Variants in HS3ST4 observed in about 807,000 individuals in gnomAD.
HS3ST4 encodes heparan sulfate glucosamine 3-O-sulfotransferase 4.
HS3ST4 carries 17 observed loss-of-function variants against 29.2 expected under a neutral mutation model. That is an observed-to-expected ratio of 0.58 (90% confidence interval 0.40 to 0.87). HS3ST4 has a LOEUF of 0.87. Ranked by LOEUF, HS3ST4 falls within the 40% of genes least tolerant of loss-of-function variation. The probability of loss-of-function intolerance (pLI) is 0.00; values close to 1 mark genes in which losing one functional copy is unlikely to be tolerated. For missense variants in HS3ST4, 627 were observed against 634.5 expected (o/e 0.99, Z 0.13); for synonymous variants, 314 against 285.7 (o/e 1.10, Z -1.00).
At chr16:25,874,969 A>G (rs2141661480) in intron 1 of HS3ST4, among the ~76,000 whole-genome samples, 1 of 152,298 alleles carries the variant, frequency 6.6e-6, no homozygotes, top group African/African-American at 2.4e-5. Flanking sequence ...AGAATTAAAC[A>G]CAATTGCACA....
At chr16:25,788,544 CTTTTT>C (rs565611368) in intron 1 of HS3ST4, among the ~76,000 whole-genome samples, 1 of 123,572 alleles carries the variant, frequency 8.1e-6, no homozygotes, top group East Asian at 2.3e-4. Context: ...TTTCTTCTTT[CTTTTT>C]TTTTTTTTTT....
At chr16:25,884,762 C>T (rs1190886222) in intron 1 of HS3ST4, among the ~76,000 whole-genome samples, 4 of 152,124 alleles carry the variant, frequency 2.6e-5, no homozygotes, top group East Asian at 1.9e-4. Flanking sequence ...GATGGGGTTT[C>T]GCCATGTTGG....
At chr16:25,952,407 C>T (rs1968691137) in intron 1 of HS3ST4, among the ~76,000 whole-genome samples, 2 of 152,176 alleles carry the variant, frequency 1.3e-5, no homozygotes, top group Admixed American at 1.3e-4. Flanking sequence ...GATCATGGCC[C>T]TGTGGCCACA....
intron 1 of HS3ST4, among the ~76,000 whole-genome samples, chr16:26,027,364 C>T (rs981784812): frequency 3.3e-5 from 5 of 152,202 alleles, no homozygotes; most frequent in Admixed American, 6.5e-5. Context: ...TACATTCCAT[C>T]TTAAAAGCCC....
chr16:25,967,297 G>T (rs941376026), intron 1 of HS3ST4, among the ~76,000 whole-genome samples: 4 of 152,088 alleles, frequency 2.6e-5, no homozygotes, highest in Non-Finnish European at 5.9e-5. Flanking sequence ...GGGACTACAG[G>T]TTCGAGCCAC....
intron 1 of HS3ST4, among the ~76,000 whole-genome samples, chr16:26,033,827 GC>G (rs1158508603): frequency 6.6e-6 from 1 of 152,124 alleles, no homozygotes; most frequent in African/African-American, 2.4e-5. Context: ...TGCAAGCTGG[GC>G]GATCCTAGCC....
chr16:25,999,796 A>T (rs1180814757), intron 1 of HS3ST4, among the ~76,000 whole-genome samples: 1 of 137,852 alleles, frequency 7.3e-6, no homozygotes, highest in Non-Finnish European at 1.5e-5. Flanking sequence ...TATATTTTAT[A>T]TATATTATAT....
At chr16:26,052,734 A>T (rs1898362416) in intron 1 of HS3ST4, among the ~76,000 whole-genome samples, 1 of 152,228 alleles carries the variant, frequency 6.6e-6, no homozygotes, top group African/African-American at 2.4e-5. Flanking sequence ...CATATCAGAG[A>T]ACCTTTAGGG....
chr16:25,877,880 G>A lies in HS3ST4; in HGVS notation c.734+184729G>A, dbSNP rs571020083. Among the ~76,000 whole-genome samples, 263 of 152,250 alleles carry A rather than the reference G, an allele frequency of 1.7e-3. 1 individual carries two copies. Among genetic ancestry groups the A allele is most frequent in the Middle Eastern group, 3.4e-3 (1 of 294 alleles). On this transcript the variant is annotated intron_variant, in intron 1 of 1. Transcript: ENST00000331351. ...GATATTTGCTAGACATTTACTGTGCGCTAAGCACTGGAGATGTGGTAATGA... is the reference window on the plus strand; with the variant it reads ...GATATTTGCTAGACATTTACTGTGCACTAAGCACTGGAGATGTGGTAATGA...
At chr16:25,850,805 G>A (rs1967512703) in intron 1 of HS3ST4, among the ~76,000 whole-genome samples, 1 of 152,214 alleles carries the variant, frequency 6.6e-6, no homozygotes, top group Non-Finnish European at 1.5e-5. Context: ...GCTTTACTAG[G>A]TCGTTGTGTC....
chr16:26,041,141 C>T (rs138549697), intron 1 of HS3ST4, among the ~76,000 whole-genome samples: 8 of 152,042 alleles, frequency 5.3e-5, no homozygotes, highest in African/African-American at 1.9e-4. Context: ...AGTTTGAGAC[C>T]AGTCTGGGCA....
intron 1 of HS3ST4, among the ~76,000 whole-genome samples, chr16:26,049,603 C>T (rs1898312286): frequency 6.6e-6 from 1 of 151,804 alleles, no homozygotes; most frequent in Admixed American, 6.6e-5. Context: ...CCCCCACACA[C>T]CAAGCAAGCA....
chr16:25,963,618 G>T (rs941925348), intron 1 of HS3ST4, among the ~76,000 whole-genome samples: 1 of 152,154 alleles, frequency 6.6e-6, no homozygotes, highest in African/African-American at 2.4e-5. Flanking sequence ...ACTCCCAAAG[G>T]CATTTCATCA....
At chr16:26,043,075 TA>T (rs1308646672) in intron 1 of HS3ST4, among the ~76,000 whole-genome samples, 1 of 152,178 alleles carries the variant, frequency 6.6e-6, no homozygotes, top group Non-Finnish European at 1.5e-5. Flanking sequence ...ACTTTTATGT[TA>T]AAATGGTATT....
chr16:26,040,299 T>TC (rs1969624251), intron 1 of HS3ST4, among the ~76,000 whole-genome samples: 2 of 149,628 alleles, frequency 1.3e-5, no homozygotes, highest in South Asian at 4.2e-4. Flanking sequence ...TTTCTTTCTT[T>TC]TTTTTTTTTT....
rs764048232 is a variant in HS3ST4 at position 26,135,822 on chromosome 16, C to A, written c.945C>A (p.Ala315=). 3.7e-6 allele frequency: 6 copies of A among 1,613,896 alleles called. No individual in the cohort carries two copies. Among genetic ancestry groups the A allele is most frequent in the Non-Finnish European group, 4.2e-6 (5 of 1,179,916 alleles). ...AGATCCCCACCTTTGAGGTGCTGGC[C>A]TTCAAAAACCGGACCCTCGGGCTGA... ...KPEIPTFEVL[A]FKNRTLGLID... The change falls in exon 2 of 2, where the codon GCC becomes GCA. Residue 315 remains alanine (A), a synonymous_variant. Coordinates refer to ENST00000331351, the MANE Select transcript of HS3ST4 (RefSeq NM_006040.3).
At chr16:25,765,389 C>T (rs1442024547) in intron 1 of HS3ST4, among the ~76,000 whole-genome samples, 2 of 152,200 alleles carry the variant, frequency 1.3e-5, no homozygotes, top group Non-Finnish European at 2.9e-5. Context: ...CTTGCCGCTT[C>T]TGCTGAATCC....
chr16:25,991,296 G>A (rs1969111579), intron 1 of HS3ST4, among the ~76,000 whole-genome samples: 1 of 152,162 alleles, frequency 6.6e-6, no homozygotes, highest in South Asian at 2.1e-4. Flanking sequence ...CAACTCAAAG[G>A]AAATATTAGG....
intron 1 of HS3ST4, among the ~76,000 whole-genome samples, chr16:25,869,696 G>A (rs1220350641): frequency 3.3e-5 from 5 of 152,100 alleles, no homozygotes; most frequent in Non-Finnish European, 7.4e-5. Flanking sequence ...CAATTCATAT[G>A]ATCCTCCCAG....
Sources: allele counts gnomAD v4.1 joint callset (sites outside exome capture counted in the v4.1 genomes callset), GRCh38; gene constraint gnomAD v4.1.1; transcripts MANE v1.5; gene names NCBI Gene and HGNC (gene_info 2026-07-23, HGNC 2026-07-21).